WDR7: variants seen among roughly 807,000 people sequenced by gnomAD.
WDR7 encodes the protein WD repeat domain 7.
WDR7 carries 46 observed loss-of-function variants against 169.4 expected under a neutral mutation model. That is an observed-to-expected ratio of 0.27 (90% CI 0.21 to 0.35). WDR7 has a LOEUF of 0.35. WDR7 is among the 10% of genes least tolerant of loss of function. WDR7 has a pLI of 1.00. For missense variants in WDR7, 1,534 were observed against 1,859.3 expected, an observed-to-expected ratio of 0.83 and a Z score of 3.22; for synonymous variants, 612 against 666.8, an observed-to-expected ratio of 0.92 and a Z score of 1.27.
At chr18:56,752,183 C>T (rs2043804419) in intron 14 of WDR7, among the ~76,000 whole-genome samples, 1 of 152,174 alleles carries the variant, frequency 6.6e-6, no homozygotes, top group African/African-American at 2.4e-5. Context: ...AACAAGCACT[C>T]CTGGTGATTC....
In WDR7 at chr18:56,938,688, A is replaced by C. The variant is rs78895434; in HGVS notation, c.3981+6A>C. 106,359 of 1,613,162 alleles carry C rather than the reference A, an allele frequency of 0.066. 4,270 individuals carry two copies. The highest frequency in any genetic ancestry group is 0.17 in the Admixed American group (10,143 of 59,826). On this transcript the variant is annotated splice_donor_region_variant and intron_variant, in intron 24 of 27. Coordinates refer to ENST00000254442, the MANE Select transcript of WDR7 (RefSeq NM_015285.3). Reference sequence around the variant, plus strand: ...TTGTGGATCTTCTCGTGGAGGTAAGAATATCCTGTTTTAAATGATCCATCA... The same window carrying C: ...TTGTGGATCTTCTCGTGGAGGTAAGCATATCCTGTTTTAAATGATCCATCA...
At chr18:56,691,639 C>A in intron 8 of WDR7, 76 bp from the exon 9 acceptor site, 1 of 1,281,752 alleles carries the variant, frequency 7.8e-7, no homozygotes, top group Non-Finnish European at 1.1e-6. Context: ...CCAATACCAA[C>A]AAACCTTGTC....
intron 25 of WDR7, among the ~76,000 whole-genome samples, chr18:56,961,697 A>G (rs1291668146): frequency 2.6e-5 from 4 of 152,206 alleles, no homozygotes; most frequent in Non-Finnish European, 5.9e-5. Context: ...ATAAAAATAA[A>G]TAATAAATCA....
intron 20 of WDR7, among the ~76,000 whole-genome samples, chr18:56,879,066 ATT>A (rs2046068751): frequency 1.3e-5 from 2 of 152,142 alleles, no homozygotes; most frequent in Non-Finnish European, 2.9e-5. Context: ...TTCCAAGGCT[ATT>A]TTGAATAATG....
chr18:56,862,670 G>A (rs1435820839), intron 20 of WDR7, among the ~76,000 whole-genome samples: 2 of 151,624 alleles, frequency 1.3e-5, no homozygotes, highest in Non-Finnish European at 3.0e-5. Context: ...TGTCTTTCAG[G>A]TTATATATAA....
chr18:56,750,995 T>G (rs1332068547), intron 14 of WDR7, among the ~76,000 whole-genome samples: 1 of 152,242 alleles, frequency 6.6e-6, no homozygotes, highest in Non-Finnish European at 1.5e-5. Flanking sequence ...TGGAGGTTAC[T>G]CATTTTCTCT....
At position 56,696,310 on chromosome 18, in the gene WDR7, G is replaced by C. The variant is rs202107348; in HGVS notation, c.1426G>C (p.Val476Leu). The change falls in exon 12 of 28, where the codon GTC becomes CTC. Residue 476 changes from valine to leucine, a missense_variant. Coordinates refer to ENST00000254442, the MANE Select transcript of WDR7 (RefSeq NM_015285.3). ...KVTCLLYPHQ[V>L]SARYDQRYLI... ...CACATGTTTGCTATATCCTCATCAG[G>C]TCTCAGCTCGGTATGATCAAAGATA... 1.0e-4 allele frequency: 166 copies of C among 1,614,132 alleles called. 1 individual carries two copies. In the East Asian group the frequency reaches 3.5e-3, roughly 34 times the overall value.
rs189239108 is a variant in WDR7, at chr18:57,025,007, A to G, written c.4270-1997A>G. 2.4e-3 allele frequency among the ~76,000 whole-genome samples: 358 copies of G among 151,324 alleles called. 1 individual carries two copies. The highest frequency in any genetic ancestry group is 3.9e-3 in the Non-Finnish European group (264 of 67,300). On this transcript the variant is annotated intron_variant, in intron 27 of 27. Coordinates refer to ENST00000254442, the MANE Select transcript of WDR7 (RefSeq NM_015285.3). ...TATCAAAGTAGGGATGGCTCAGGTT[A>G]TAAGAGGAACCCAGTTGTAATGGCC...
intron 19 of WDR7, among the ~76,000 whole-genome samples, chr18:56,793,992 A>G (rs752108417): frequency 1.3e-5 from 2 of 152,092 alleles, no homozygotes; most frequent in Non-Finnish European, 2.9e-5. Context: ...TGCTGCATAG[A>G]GTTATTAGGA....
Position 56,951,941 on chromosome 18 carries a change from ATTTT to A in WDR7, c.4065-10488_4065-10485del, listed in dbSNP as rs1029867778. Among the ~76,000 whole-genome samples the A allele has an allele frequency of 5.9e-5, 9 of 152,162 alleles. 1 individual carries two copies. Among genetic ancestry groups the A allele is most frequent in the African/African-American group, 2.2e-4 (9 of 41,458 alleles). ...AAACTGAGAAATTTTAAAATTATTT[ATTTT>A]GTTTAAAAACCCATTATATGTTAAC... On this transcript the variant is annotated intron_variant, in intron 25 of 27. Transcript: ENST00000254442.
At chr18:56,998,095 A>G (rs956148526) in intron 26 of WDR7, among the ~76,000 whole-genome samples, 3 of 152,192 alleles carry the variant, frequency 2.0e-5, no homozygotes, top group Admixed American at 6.5e-5. Context: ...ATATTTGGAC[A>G]TCATGGGGCT....
At chr18:56,859,507 G>C (rs2045771726) in intron 20 of WDR7, among the ~76,000 whole-genome samples, 1 of 151,898 alleles carries the variant, frequency 6.6e-6, no homozygotes, top group Non-Finnish European at 1.5e-5. Flanking sequence ...TCACTCTCTT[G>C]CTTGCTCTTA....
chr18:56,807,065 A>G (rs1394610155), intron 19 of WDR7, among the ~76,000 whole-genome samples: 1 of 151,738 alleles, frequency 6.6e-6, no homozygotes, highest in Non-Finnish European at 1.5e-5. Flanking sequence ...ATAAATAACA[A>G]CAGGTGTAAG....
intron 27 of WDR7, among the ~76,000 whole-genome samples, chr18:57,023,578 G>A (rs9947253): frequency 0.83 from 126,930 of 152,194 alleles, 53,205 homozygotes; most frequent in Admixed American, 0.87. Context: ...TTTGTGAAGC[G>A]TTTATTTTTG....
At chr18:56,709,302 T>A (rs898265856) in intron 12 of WDR7, among the ~76,000 whole-genome samples, 3 of 152,206 alleles carry the variant, frequency 2.0e-5, no homozygotes, top group Non-Finnish European at 2.9e-5. Context: ...GGGAAACTTA[T>A]GTTCTTGAAG....
intron 15 of WDR7, among the ~76,000 whole-genome samples, chr18:56,757,625 A>G (rs1041558904): frequency 6.6e-6 from 1 of 152,096 alleles, no homozygotes; most frequent in Non-Finnish European, 1.5e-5. Flanking sequence ...TCTTGTAAAT[A>G]TAATTATAAA....
chr18:56,694,484 AT>A lies in WDR7; in HGVS notation c.967-134del, dbSNP rs2025652828. 6.8e-6 allele frequency: 5 copies of A among 737,264 alleles called. No individual in the cohort carries two copies. In the African/African-American group the frequency reaches 8.8e-5, roughly 13 times the overall value. The allele number at this position is 737,264 out of a possible 1,614,324, so 45.7% of individuals were successfully genotyped here. The stretch of plus-strand genomic sequence containing the variant: ...TAGAATTACATTAAAATATTGTTGA[AT>A]AATCATGCTATAAACACTTTTTCAA... On this transcript the variant is annotated intron_variant, in intron 9 of 27. Transcript: ENST00000254442.
At chr18:56,893,171 G>A (rs779153663) in intron 21 of WDR7, among the ~76,000 whole-genome samples, 1 of 151,052 alleles carries the variant, frequency 6.6e-6, no homozygotes, top group African/African-American at 2.4e-5. Context: ...ATTTAATAAC[G>A]GGTCACATTG....
At chr18:56,986,708 C>T (rs10503011) in intron 26 of WDR7, among the ~76,000 whole-genome samples, 30,759 of 151,520 alleles carry the variant, frequency 0.2, 3,702 homozygotes, top group Middle Eastern at 0.34. Context: ...TTGATGTAAA[C>T]AGAACCCAAT....
Sources: allele counts gnomAD v4.1 joint callset (sites outside exome capture counted in the v4.1 genomes callset), GRCh38; gene constraint gnomAD v4.1.1; transcripts MANE v1.5; gene names NCBI Gene and HGNC (gene_info 2026-07-23, HGNC 2026-07-21).